The following SEPTIN2 variants were observed in gnomAD, a reference collection of about 807,000 sequenced individuals.
SEPTIN2 encodes septin 2.
A neutral mutation model predicts 46.5 loss-of-function variants in SEPTIN2; 34 were observed. The ratio of observed to expected loss-of-function variants is 0.73; its 90% confidence interval spans 0.56 to 0.97. The LOEUF (loss-of-function observed/expected upper bound fraction) is 0.97, where lower values mean the gene tolerates loss of function less well. SEPTIN2 is among the 50% of genes least tolerant of loss of function. The probability of loss-of-function intolerance (pLI) is 0.00; values close to 1 mark genes in which losing one functional copy is unlikely to be tolerated. For synonymous variants in SEPTIN2, 175 were observed against 153.4 expected, an observed-to-expected ratio of 1.14 and a Z score of -1.04; for missense variants, 347 against 448.4, an observed-to-expected ratio of 0.77 and a Z score of 2.04.
Position 241,342,974 on chromosome 2 carries a change from GT to G in SEPTIN2, c.595-14del. On this transcript the variant is annotated splice_polypyrimidine_tract_variant and intron_variant, in intron 7 of 12. Transcript: ENST00000391971. ...ACGCAGTTTGCTAAAATTGATCCTG[GT>G]TTTGTCATTCTCTCAGATTCTGGAT... 6.9e-7 allele frequency: 1 copy of G among 1,446,400 alleles called. No individual in the cohort carries two copies. The highest frequency in any genetic ancestry group is 9.7e-7 in the Non-Finnish European group (1 of 1,033,528). 89.6% of individuals were successfully genotyped at this position (1,446,400 alleles called of 1,614,324 possible). A position where few individuals can be genotyped will look rare whatever the true frequency, so the allele number is the denominator to read the frequency against.
At chr2:241,335,897 A>C (rs766791696) in intron 4 of SEPTIN2, 78 bp from the exon 5 acceptor site, 39 of 1,589,808 alleles carry the variant, frequency 2.5e-5, no homozygotes, top group Non-Finnish European at 3.3e-5. Flanking sequence ...GTAGACTCTG[A>C]AGTCACCTGT....
Position 241,335,106 on chromosome 2 carries a change from G to GT in SEPTIN2, c.131-15dup. Reference sequence around the variant, plus strand: ...GTCATATGAATAAGGTCATGACAAGGTTTTTCTTTTTATTTAAAGGTGAAT... The same window carrying GT: ...GTCATATGAATAAGGTCATGACAAGGTTTTTTCTTTTTATTTAAAGGTGAAT... On this transcript the variant is annotated intron_variant, in intron 3 of 12. Coordinates refer to ENST00000391971, the MANE Select transcript of SEPTIN2 (RefSeq NM_004404.5). 1 of 1,569,348 alleles carries GT rather than the reference G, an allele frequency of 6.4e-7. No homozygotes were observed. Among genetic ancestry groups the GT allele is most frequent in the Non-Finnish European group, 8.8e-7 (1 of 1,141,962 alleles).
intron 3 of SEPTIN2, among the ~76,000 whole-genome samples, chr2:241,330,704 C>T (rs2078854662): frequency 6.6e-6 from 1 of 152,184 alleles, no homozygotes. Flanking sequence ...CGTAATGTAT[C>T]AATCCCATTG....
intron 5 of SEPTIN2, chr2:241,336,336 T>C (rs2079979437): frequency 2.1e-6 from 1 of 478,594 alleles, no homozygotes; most frequent in African/African-American, 1.9e-5. Flanking sequence ...AGACTGCTAG[T>C]ATAAATGAAA....
At chr2:241,331,339 A>AT (rs1225899088) in intron 3 of SEPTIN2, among the ~76,000 whole-genome samples, 1 of 152,242 alleles carries the variant, frequency 6.6e-6, no homozygotes, top group African/African-American at 2.4e-5. Flanking sequence ...ATTAAAATCT[A>AT]AAGTTGTTAA....
intron 9 of SEPTIN2, among the ~76,000 whole-genome samples, chr2:241,345,939 G>A (rs993048730): frequency 6.6e-6 from 1 of 152,150 alleles, no homozygotes; most frequent in African/African-American, 2.4e-5. Flanking sequence ...AGACTCAGTC[G>A]AGACCTGTGT....
At chr2:241,344,391 T>A (rs139872174) in intron 9 of SEPTIN2, among the ~76,000 whole-genome samples, 1 of 152,184 alleles carries the variant, frequency 6.6e-6, no homozygotes, top group Non-Finnish European at 1.5e-5. Context: ...ACTACAAAAA[T>A]AGTCTTCTTT....
At chr2:241,332,209 CCTT>C (rs1559621425) in intron 3 of SEPTIN2, among the ~76,000 whole-genome samples, 1 of 152,112 alleles carries the variant, frequency 6.6e-6, no homozygotes, top group East Asian at 1.9e-4. Context: ...TAAAAGTTTG[CCTT>C]CTTGAAAAGA....
chr2:241,352,032 C>T lies in SEPTIN2; in HGVS notation c.*95C>T, dbSNP rs1437096475. 6.6e-6 allele frequency: 1 copy of T among 152,604 alleles called. No homozygotes were observed. The highest frequency in any genetic ancestry group is 1.9e-4 in the East Asian group (1 of 5,202). The allele number at this position is 152,604 out of a possible 1,614,324, so 9.5% of individuals were successfully genotyped here. On this transcript the variant is annotated 3_prime_UTR_variant, in exon 13 of 13. Transcript: ENST00000391971. ...ATGATCCAGCTGTGTGTTTTCAATC[C>T]TTGGGAGGGTGCCATCCACATTTTA...
At chr2:241,329,991 T>G (rs2078725258) in intron 3 of SEPTIN2, among the ~76,000 whole-genome samples, 1 of 152,256 alleles carries the variant, frequency 6.6e-6, no homozygotes, top group African/African-American at 2.4e-5. Flanking sequence ...AGCAGATATT[T>G]AAGAATGTTA....
intron 3 of SEPTIN2, among the ~76,000 whole-genome samples, chr2:241,331,938 G>A (rs57990366): frequency 3.0e-4 from 46 of 152,104 alleles, no homozygotes; most frequent in East Asian, 9.6e-4. Context: ...TTTTGGTTTC[G>A]TTTTTTGAGA....
intron 9 of SEPTIN2, among the ~76,000 whole-genome samples, chr2:241,344,649 G>A (rs2081744920): frequency 6.6e-6 from 1 of 152,174 alleles, no homozygotes; most frequent in Non-Finnish European, 1.5e-5. Context: ...GTTGCAGTGA[G>A]CCAAGATTGC....
intron 3 of SEPTIN2, among the ~76,000 whole-genome samples, chr2:241,331,128 G>C (rs562829100): frequency 6.6e-6 from 1 of 152,092 alleles, no homozygotes; most frequent in Non-Finnish European, 1.5e-5. Context: ...TCAGTGAGCC[G>C]AGGTCATGCC....
intron 3 of SEPTIN2, 143 bp downstream of exon 3, chr2:241,326,256 A>G (rs1463447079): frequency 2.4e-5 from 16 of 666,784 alleles, no homozygotes; most frequent in Non-Finnish European, 3.6e-5. Flanking sequence ...ATATATGTGT[A>G]TTCATTAGAA....
At chr2:241,349,390 A>G (rs1468351198) in intron 11 of SEPTIN2, among the ~76,000 whole-genome samples, 1 of 149,908 alleles carries the variant, frequency 6.7e-6, no homozygotes, top group Non-Finnish European at 1.5e-5. Flanking sequence ...AAAAATATAT[A>G]TATATGTATA....
intron 1 of SEPTIN2, among the ~76,000 whole-genome samples, chr2:241,321,500 C>T (rs1360894764): frequency 6.6e-6 from 1 of 152,064 alleles, no homozygotes; most frequent in Non-Finnish European, 1.5e-5. Flanking sequence ...TTACCTTGTC[C>T]CTTTATTTTC....
chr2:241,315,430 C>T (rs1457309118), upstream of SEPTIN2: 1 of 152,254 alleles, frequency 6.6e-6, no homozygotes, highest in South Asian at 2.1e-4. Flanking sequence ...GGCTCCCCCT[C>T]CCCGTGATCG....
At chr2:241,346,480 G>T (rs1430139203) in intron 10 of SEPTIN2, 7 of 269,836 alleles carry the variant, frequency 2.6e-5, no homozygotes, top group Non-Finnish European at 4.3e-5. Flanking sequence ...AGGCACGGTG[G>T]CTCATGCCTG....
intron 11 of SEPTIN2, among the ~76,000 whole-genome samples, chr2:241,349,534 T>C (rs1280939032): frequency 1.3e-5 from 2 of 152,030 alleles, no homozygotes; most frequent in Non-Finnish European, 2.9e-5. Context: ...AGAAAACTTC[T>C]CATATTGGCC....
Sources: gnomAD v4.1 joint callset for allele counts (sites outside exome capture counted in the v4.1 genomes callset) on GRCh38, gnomAD v4.1.1 for gene constraint, MANE v1.5 for transcripts, NCBI Gene and HGNC (gene_info 2026-07-23, HGNC 2026-07-21) for gene names.